CNTNAP4: variants seen among roughly 807,000 people sequenced by gnomAD.
The protein encoded by CNTNAP4 is contactin-associated protein-like 4.
A neutral mutation model predicts 148.4 loss-of-function variants in CNTNAP4; 98 were observed. The observed-to-expected ratio is 0.66, with a 90% confidence interval of 0.56 to 0.78. CNTNAP4 has a LOEUF of 0.78. Among genes scored for constraint, CNTNAP4 ranks in the 30% least tolerant of loss-of-function variants. The pLI, the probability that CNTNAP4 is intolerant of heterozygous loss-of-function variation, is 0.00. For synonymous variants in CNTNAP4, 730 were observed against 565.1 expected (o/e 1.29, Z -4.14); for missense variants, 1,935 against 1,565.6 (o/e 1.24, Z -3.98).
intron 3 of CNTNAP4, among the ~76,000 whole-genome samples, chr16:76,379,032 C>T (rs1319023174): frequency 6.6e-6 from 1 of 152,200 alleles, no homozygotes; most frequent in South Asian, 2.1e-4. Context: ...GTTTCCTCAT[C>T]TGTAAACTTA....
intron 17 of CNTNAP4, among the ~76,000 whole-genome samples, chr16:76,522,766 C>CTTTTCTTTT (rs1568498470): frequency 5.6e-4 from 49 of 87,254 alleles, no homozygotes; most frequent in South Asian, 3.9e-3. Flanking sequence ...CTTTTCTTTT[C>CTTTTCTTTT]TTTTCTTTTC....
At chr16:76,433,871 T>C (rs1202811386) in intron 4 of CNTNAP4, among the ~76,000 whole-genome samples, 4 of 152,066 alleles carry the variant, frequency 2.6e-5, no homozygotes, top group Non-Finnish European at 5.9e-5. Context: ...AATACTGTTT[T>C]ATGTCAAAGT....
chr16:76,406,857 T>C (rs1250621087), intron 3 of CNTNAP4, among the ~76,000 whole-genome samples: 1 of 152,116 alleles, frequency 6.6e-6, no homozygotes, highest in African/African-American at 2.4e-5. Flanking sequence ...CTCCATAACA[T>C]AGAAGTACAA....
chr16:76,470,884 C>T (rs373976188), intron 10 of CNTNAP4, among the ~76,000 whole-genome samples: 1 of 152,042 alleles, frequency 6.6e-6, no homozygotes, highest in East Asian at 1.9e-4. Context: ...CACACTGTTT[C>T]TCTCATGTGG....
Position 76,347,423 on chromosome 16 carries a change from A to T in CNTNAP4, c.197-7895A>T, listed in dbSNP as rs563500058. Among the ~76,000 whole-genome samples, 5 of 152,178 alleles carry T rather than the reference A, an allele frequency of 3.3e-5. No homozygotes were observed. In the South Asian group the frequency reaches 1.0e-3, roughly 32 times the overall value. ...CTATCAATGAATAAAACAGGTGAAG[A>T]CCCCTGGTCTCATAGAGCTTGTATT... On this transcript the variant is annotated intron_variant, in intron 2 of 23. Coordinates refer to ENST00000611870, the MANE Select transcript of CNTNAP4 (RefSeq NM_033401.5).
chr16:76,412,447 A>T (rs867192627), intron 3 of CNTNAP4, among the ~76,000 whole-genome samples: 1 of 151,444 alleles, frequency 6.6e-6, no homozygotes. Context: ...AATGGAAATT[A>T]TACCAATTTA....
intron 2 of CNTNAP4, among the ~76,000 whole-genome samples, chr16:76,317,088 A>C (rs967969398): frequency 2.7e-5 from 4 of 146,520 alleles, no homozygotes; most frequent in Admixed American, 1.4e-4. Flanking sequence ...CAACACAGCA[A>C]GACCTTGTCT....
intron 9 of CNTNAP4, 132 bp from the exon 10 acceptor site, chr16:76,467,220 G>A (rs868233462): frequency 4.1e-6 from 3 of 722,986 alleles, no homozygotes; most frequent in South Asian, 1.9e-5. Context: ...AATAATGACT[G>A]CAGTCATTAT....
In CNTNAP4 at chr16:76,462,969, G is replaced by A. The variant is rs539220178; in HGVS notation, c.1483+864G>A. On this transcript the variant is annotated intron_variant, in intron 9 of 23. Coordinates refer to ENST00000611870, the MANE Select transcript of CNTNAP4 (RefSeq NM_033401.5). ...TAATAAAATACAAATTATTTTCTAA[G>A]TATTGACGGTGAGCACACAGTCCAT... Among the ~76,000 whole-genome samples, 7 of 152,238 alleles carry A rather than the reference G, an allele frequency of 4.6e-5. No homozygotes were observed. In the East Asian group the frequency reaches 1.4e-3, roughly 29 times the overall value.
Position 76,285,793 on chromosome 16 carries a change from C to T in CNTNAP4, c.85+8046C>T, listed in dbSNP as rs188618051. 2.5e-3 allele frequency among the ~76,000 whole-genome samples: 372 copies of T among 151,796 alleles called. 2 individuals are homozygous for T. Among genetic ancestry groups the T allele is most frequent in the African/African-American group, 8.5e-3 (353 of 41,398 alleles). On this transcript the variant is annotated intron_variant, in intron 1 of 23. Transcript: ENST00000611870. ...TTTTTCAATGTCCTTTGAATAAGGA[C>T]ACGGATAAACTCTCCTAGCAATTGG...
chr16:76,391,408 G>T (rs1258466753), intron 3 of CNTNAP4, among the ~76,000 whole-genome samples: 4 of 152,178 alleles, frequency 2.6e-5, no homozygotes. Context: ...TGTAGAAATT[G>T]CTAACGTTTC....
At chr16:76,453,622 TC>T (rs1391511808) in intron 8 of CNTNAP4, among the ~76,000 whole-genome samples, 1 of 152,104 alleles carries the variant, frequency 6.6e-6, no homozygotes, top group African/African-American at 2.4e-5. Context: ...ATTGTACTAC[TC>T]CTCTATATTA....
At chr16:76,379,457 G>T (rs2015750375) in intron 3 of CNTNAP4, among the ~76,000 whole-genome samples, 1 of 152,130 alleles carries the variant, frequency 6.6e-6, no homozygotes, top group Admixed American at 6.6e-5. Flanking sequence ...GTTTAGAGTT[G>T]ATGTTAGTTT....
chr16:76,319,167 A>C (rs548121963), intron 2 of CNTNAP4, among the ~76,000 whole-genome samples: 1 of 152,246 alleles, frequency 6.6e-6, no homozygotes, highest in East Asian at 1.9e-4. Context: ...AGGCAGGAGG[A>C]TTACTTGAGC....
At position 76,421,086 on chromosome 16, in the gene CNTNAP4, C is replaced by T. The variant is rs540350778; in HGVS notation, c.391-6366C>T. Among the ~76,000 whole-genome samples the T allele has an allele frequency of 1.7e-4, 26 of 152,010 alleles. No homozygotes were observed. In the South Asian group the frequency reaches 5.2e-3, roughly 30 times the overall value. ...AGTTTGCATCTTTCCTGTGCTTTTTCTCTTCTGGCTATTTGATCTGTCTTG... is the reference window on the plus strand; with the variant it reads ...AGTTTGCATCTTTCCTGTGCTTTTTTTCTTCTGGCTATTTGATCTGTCTTG... On this transcript the variant is annotated intron_variant, in intron 3 of 23. Coordinates refer to ENST00000611870, the MANE Select transcript of CNTNAP4 (RefSeq NM_033401.5).
At position 76,448,760 on chromosome 16, in the gene CNTNAP4, T is replaced by C; in HGVS notation, c.743-7T>C. ...TAATGGTGCTGTTATTTTTCTCCTCTTCTAAGGTGAAGCTAAACTGCCTTC... is the reference window on the plus strand; with the variant it reads ...TAATGGTGCTGTTATTTTTCTCCTCCTCTAAGGTGAAGCTAAACTGCCTTC... On this transcript the variant is annotated splice_polypyrimidine_tract_variant and splice_region_variant and intron_variant, in intron 5 of 23. Transcript: ENST00000611870. The C allele has an allele frequency of 6.3e-7, 1 of 1,595,118 alleles. No homozygotes were observed. The highest frequency in any genetic ancestry group is 1.7e-5 in the Admixed American group (1 of 57,430).
rs867245298 is a variant in CNTNAP4 at position 76,357,738 on chromosome 16, A to G, written c.390+2227A>G. ...TGTAGAATACTCTTCTGATCACTCT[A>G]AAAGTGACTCTCTCTTGCCTCCATC... On this transcript the variant is annotated intron_variant, in intron 3 of 23. Transcript: ENST00000611870. Among the ~76,000 whole-genome samples the G allele has an allele frequency of 3.1e-4, 47 of 152,330 alleles. No individual in the cohort carries two copies. In the Middle Eastern group the frequency reaches 0.014, roughly 44 times the overall value.
intron 3 of CNTNAP4, among the ~76,000 whole-genome samples, chr16:76,426,073 A>G (rs1277071943): frequency 6.6e-6 from 1 of 152,098 alleles, no homozygotes; most frequent in Non-Finnish European, 1.5e-5. Flanking sequence ...TAATTTGGAG[A>G]TGCCATCACA....
intron 3 of CNTNAP4, among the ~76,000 whole-genome samples, chr16:76,400,815 T>C (rs991202256): frequency 4.6e-5 from 7 of 152,202 alleles, no homozygotes; most frequent in Admixed American, 1.3e-4. Context: ...ACGTTGCTTG[T>C]TTTTGTAAGC....
Sources: allele counts gnomAD v4.1 joint callset (sites outside exome capture counted in the v4.1 genomes callset), GRCh38; gene constraint gnomAD v4.1.1; transcripts MANE v1.5; gene names NCBI Gene and HGNC (gene_info 2026-07-23, HGNC 2026-07-21).